Variants in TIMP2 observed in about 807,000 individuals in gnomAD.
TIMP2 encodes TIMP metallopeptidase inhibitor 2.
In TIMP2, 5 loss-of-function variants were observed where a neutral mutation model predicts 24.3. The ratio of observed to expected loss-of-function variants is 0.21; its 90% confidence interval spans 0.11 to 0.43. The LOEUF (loss-of-function observed/expected upper bound fraction) is 0.43. TIMP2 is among the 20% of genes least tolerant of loss of function. The probability of loss-of-function intolerance (pLI) is 1.00; values close to 1 mark genes in which losing one functional copy is unlikely to be tolerated. For synonymous variants in TIMP2, 130 were observed against 123.2 expected (o/e 1.06, Z -0.37); for missense variants, 221 against 297.5 (o/e 0.74, Z 1.89).
At chr17:78,906,615 C>T (rs1328078502) in intron 1 of TIMP2, among the ~76,000 whole-genome samples, 1 of 152,046 alleles carries the variant, frequency 6.6e-6, no homozygotes, top group African/African-American at 2.4e-5. Flanking sequence ...CAGAGTCTCG[C>T]TCTGTTGCCC....
chr17:78,924,964 T>A lies in TIMP2; in HGVS notation c.125A>T (p.Asp42Val). ...VHPQQAFCNA[D>V]VVIRAKAVSE... ...CTGGGGTCGCCGCTCCTTACCTACA[T>A]CTGCATTGCAAAACGCCTGTTGCGG... The change falls in exon 1 of 5, where the codon GAT becomes GTT. Residue 42 changes from aspartate to valine, a missense_variant. Asp to Val is a radical substitution (Grantham distance 152). Coordinates refer to ENST00000262768, the MANE Select transcript of TIMP2 (RefSeq NM_003255.5). The surrounding 1 kb of genome is among the most constrained non-coding windows in gnomAD (Gnocchi z 5.3). 7.7e-7 allele frequency: 1 copy of A among 1,293,774 alleles called. No homozygotes were observed. Among genetic ancestry groups the A allele is most frequent in the Non-Finnish European group, 9.9e-7 (1 of 1,011,082 alleles). The allele number at this position is 1,293,774 out of a possible 1,614,324, so 80.1% of individuals were successfully genotyped here. A position where few individuals can be genotyped will look rare whatever the true frequency, so the allele number is the denominator to read the frequency against.
chr17:78,894,438 A>C (rs2069966408), intron 1 of TIMP2, among the ~76,000 whole-genome samples: 1 of 152,162 alleles, frequency 6.6e-6, no homozygotes, highest in Non-Finnish European at 1.5e-5. Flanking sequence ...ATATTTAGCC[A>C]GATCTGCCAA....
chr17:78,893,405 G>GTGTGCGCGTAGGGGTA (rs139652180), intron 1 of TIMP2, among the ~76,000 whole-genome samples: 4 of 128,298 alleles, frequency 3.1e-5, no homozygotes, highest in African/African-American at 1.4e-4. Flanking sequence ...ATGCAGGGGT[G>GTGTGCGCGTAGGGGTA]TGTGTGCATA....
intron 1 of TIMP2, among the ~76,000 whole-genome samples, chr17:78,915,767 G>A (rs888493137): frequency 6.6e-6 from 1 of 152,072 alleles, no homozygotes; most frequent in Admixed American, 6.6e-5. Context: ...CGATCCACAT[G>A]CCTCGGCCTC....
chr17:78,861,494 C>T (rs1014785915), intron 3 of TIMP2, among the ~76,000 whole-genome samples: 2 of 152,226 alleles, frequency 1.3e-5, no homozygotes, highest in Admixed American at 1.3e-4. Context: ...ATATGCTTCA[C>T]ATTCTGCCTT....
intron 3 of TIMP2, among the ~76,000 whole-genome samples, chr17:78,868,654 C>T (rs1029383136): frequency 6.6e-6 from 1 of 152,052 alleles, no homozygotes; most frequent in African/African-American, 2.4e-5. Flanking sequence ...TGCTAGACTG[C>T]GGCTGCCGGC....
intron 1 of TIMP2, chr17:78,890,877 T>C: frequency 6.4e-7 from 1 of 1,550,654 alleles, no homozygotes; most frequent in Non-Finnish European, 8.7e-7. Context: ...CTTTGCTCCC[T>C]CCTCTCTTTT....
chr17:78,909,946 G>A lies in TIMP2; in HGVS notation c.130+15013C>T, dbSNP rs549441871. 6.6e-5 allele frequency among the ~76,000 whole-genome samples: 10 copies of A among 152,186 alleles called. No individual in the cohort carries two copies. The East Asian group carries it at 7.7e-4, about 12-fold the overall frequency. On this transcript the variant is annotated intron_variant, in intron 1 of 4. Transcript: ENST00000262768. ...GAGTGTCCGTCTAGTACTGGGACCC[G>A]GTGTGATGCTTTAAGGAACACACCT...
chr17:78,882,517 T>C (rs2145761530), intron 1 of TIMP2, among the ~76,000 whole-genome samples: 1 of 152,320 alleles, frequency 6.6e-6, no homozygotes, highest in South Asian at 2.1e-4. Context: ...TCCCTAAATG[T>C]TTGTGTGTAA....
chr17:78,902,300 G>A (rs1433551639), intron 1 of TIMP2, among the ~76,000 whole-genome samples: 4 of 152,224 alleles, frequency 2.6e-5, no homozygotes, highest in Non-Finnish European at 4.4e-5. Context: ...TAGAGACGGG[G>A]ATTCACCATA....
At chr17:78,865,904 C>T (rs1212499290) in intron 3 of TIMP2, among the ~76,000 whole-genome samples, 1 of 152,180 alleles carries the variant, frequency 6.6e-6, no homozygotes, top group Admixed American at 6.5e-5. Flanking sequence ...AAGAGTCCTT[C>T]CGCAGCGCTG....
Position 78,860,535 on chromosome 17 carries a change from C to T in TIMP2, c.341-2889G>A, listed in dbSNP as rs368789636. 5.9e-5 allele frequency among the ~76,000 whole-genome samples: 9 copies of T among 152,308 alleles called. No individual in the cohort carries two copies. The South Asian group carries it at 6.2e-4, about 11-fold the overall frequency. ...CAAGTGGCCTCCATTGTCCTGGGCA[C>T]GGGGCACTCATTGTGCCAGCTCCCT... On this transcript the variant is annotated intron_variant, in intron 3 of 4. Coordinates refer to ENST00000262768, the MANE Select transcript of TIMP2 (RefSeq NM_003255.5).
intron 1 of TIMP2, among the ~76,000 whole-genome samples, chr17:78,911,869 A>T (rs145829203): frequency 0.027 from 3,937 of 147,868 alleles, 75 homozygotes; most frequent in South Asian, 0.04. Flanking sequence ...AACATGGTGA[A>T]ACCCTATCTC....
At chr17:78,873,601 G>A (rs908446130) in intron 2 of TIMP2, among the ~76,000 whole-genome samples, 3 of 152,296 alleles carry the variant, frequency 2.0e-5, no homozygotes, top group African/African-American at 7.2e-5. Flanking sequence ...ACAGGTTTCT[G>A]AAGGAATTGA....
Position 78,855,506 on chromosome 17 carries a change from C to T in TIMP2, c.*161G>A. 1.2e-6 allele frequency: 1 copy of T among 868,124 alleles called. No individual in the cohort carries two copies. The highest frequency in any genetic ancestry group is 1.7e-6 in the Non-Finnish European group (1 of 574,114). The allele number at this position is 868,124 out of a possible 1,614,324, so 53.8% of individuals were successfully genotyped here. A position where few individuals can be genotyped will look rare whatever the true frequency, so the allele number is the denominator to read the frequency against. On this transcript the variant is annotated 3_prime_UTR_variant, in exon 5 of 5. Transcript: ENST00000262768. The surrounding 1 kb of genome is among the most constrained non-coding windows in gnomAD (Gnocchi z 6.0). Reference sequence around the variant, plus strand: ...CCCACGTCTCCCTCCAGACCCACAACCATGTCTAAAAGGAGAAGGGGGGAG... The same window carrying T: ...CCCACGTCTCCCTCCAGACCCACAATCATGTCTAAAAGGAGAAGGGGGGAG...
chr17:78,881,209 C>T (rs1253105312), intron 1 of TIMP2, among the ~76,000 whole-genome samples: 2 of 152,282 alleles, frequency 1.3e-5, no homozygotes, highest in Non-Finnish European at 2.9e-5. Context: ...CGTCCACCCT[C>T]TTCTGCAGGC....
chr17:78,915,563 A>T (rs61591056), intron 1 of TIMP2, among the ~76,000 whole-genome samples: 3,015 of 151,548 alleles, frequency 0.02, 81 homozygotes, highest in African/African-American at 0.07. Context: ...TCTGTCACCC[A>T]GGCAGGAGTG....
intron 1 of TIMP2, among the ~76,000 whole-genome samples, chr17:78,880,753 A>G (rs922058412): frequency 2.6e-5 from 4 of 152,184 alleles, no homozygotes; most frequent in African/African-American, 7.2e-5. Context: ...CACTCATTGA[A>G]TTCTCTTTAT....
At position 78,863,217 on chromosome 17, in the gene TIMP2, C is replaced by T. The variant is rs1283044893; in HGVS notation, c.341-5571G>A. Among the ~76,000 whole-genome samples the T allele has an allele frequency of 2.6e-5, 4 of 152,100 alleles. 1 individual carries two copies. Among genetic ancestry groups the T allele is most frequent in the Admixed American group, 6.6e-5 (1 of 15,256 alleles). ...GCGTTCCCTTTACTCCATAGCCTTG[C>T]CAACATTGGTTTATTTTTATTTTTT... On this transcript the variant is annotated intron_variant, in intron 3 of 4. Coordinates refer to ENST00000262768, the MANE Select transcript of TIMP2 (RefSeq NM_003255.5).
Sources: allele counts gnomAD v4.1 joint callset (sites outside exome capture counted in the v4.1 genomes callset), GRCh38; gene constraint gnomAD v4.1.1; non-coding constraint Gnocchi (gnomAD v3.1); transcripts MANE v1.5; gene names NCBI Gene and HGNC (gene_info 2026-07-23, HGNC 2026-07-21).